BPGM: variants seen among roughly 807,000 people sequenced by gnomAD.
The protein encoded by BPGM is bisphosphoglycerate mutase, also known as 2,3-bisphosphoglycerate mutase, erythrocyte.
BPGM carries 15 observed loss-of-function variants against 21.6 expected under a neutral mutation model. The ratio of observed to expected loss-of-function variants is 0.70; its 90% confidence interval spans 0.47 to 1.07. The LOEUF (loss-of-function observed/expected upper bound fraction) is 1.07. Among genes scored for constraint, BPGM ranks in the 50% least tolerant of loss-of-function variants. BPGM has a pLI of 0.00. For missense variants in BPGM, 273 were observed against 319.0 expected, an observed-to-expected ratio of 0.86 and a Z score of 1.10; for synonymous variants, 113 against 116.2, an observed-to-expected ratio of 0.97 and a Z score of 0.18.
At chr7:134,648,565 A>G (rs1795507005) in intron 1 of BPGM, among the ~76,000 whole-genome samples, 1 of 152,220 alleles carries the variant, frequency 6.6e-6, no homozygotes, top group South Asian at 2.1e-4. Flanking sequence ...AGCATAATTC[A>G]AACAGTGTCA....
chr7:134,651,487 G>A (rs1373997827), intron 1 of BPGM, among the ~76,000 whole-genome samples: 1 of 152,104 alleles, frequency 6.6e-6, no homozygotes, highest in Non-Finnish European at 1.5e-5. Flanking sequence ...GAAATATAAT[G>A]TGAAATTATA....
intron 2 of BPGM, among the ~76,000 whole-genome samples, chr7:134,671,510 C>T (rs1312534120): frequency 6.6e-6 from 1 of 151,952 alleles, no homozygotes; most frequent in Non-Finnish European, 1.5e-5. Flanking sequence ...TACAGGTACC[C>T]GCCACCACGC....
chr7:134,659,873 G>T, intron 1 of BPGM, among the ~76,000 whole-genome samples: 1 of 152,206 alleles, frequency 6.6e-6, no homozygotes, highest in East Asian at 1.9e-4. Flanking sequence ...TGGCATTGCA[G>T]ATCGAGTAGG....
chr7:134,652,085 A>G (rs1795564923), intron 1 of BPGM, among the ~76,000 whole-genome samples: 1 of 152,214 alleles, frequency 6.6e-6, no homozygotes, highest in Non-Finnish European at 1.5e-5. Flanking sequence ...ACTGATTTAA[A>G]TGTCTTCAGT....
At chr7:134,675,212 T>A (rs1585868025) in intron 2 of BPGM, among the ~76,000 whole-genome samples, 1 of 152,178 alleles carries the variant, frequency 6.6e-6, no homozygotes, top group Non-Finnish European at 1.5e-5. Flanking sequence ...GTTGCCTTTT[T>A]ATGTTCTTAA....
chr7:134,674,373 C>T (rs538100407), intron 2 of BPGM, among the ~76,000 whole-genome samples: 1 of 152,292 alleles, frequency 6.6e-6, no homozygotes, highest in African/African-American at 2.4e-5. Context: ...AAAAGAAACC[C>T]AGTGCCCCTT....
chr7:134,673,664 G>A (rs972487470), intron 2 of BPGM, among the ~76,000 whole-genome samples: 2 of 152,208 alleles, frequency 1.3e-5, no homozygotes, highest in South Asian at 2.1e-4. Flanking sequence ...TTTACCAGTC[G>A]TGGGAACACT....
intron 2 of BPGM, among the ~76,000 whole-genome samples, chr7:134,670,703 A>C (rs958440118): frequency 6.6e-6 from 1 of 152,176 alleles, no homozygotes; most frequent in African/African-American, 2.4e-5. Context: ...CTCTTATCAC[A>C]GATTGTCGGT....
At chr7:134,647,649 G>T (rs1795481989) in intron 1 of BPGM, among the ~76,000 whole-genome samples, 1 of 152,188 alleles carries the variant, frequency 6.6e-6, no homozygotes, top group Non-Finnish European at 1.5e-5. Context: ...AATTACGGAA[G>T]ATCTTTAGCT....
At chr7:134,660,239 T>G (rs1211519730) in intron 1 of BPGM, among the ~76,000 whole-genome samples, 2 of 152,222 alleles carry the variant, frequency 1.3e-5, no homozygotes, top group African/African-American at 4.8e-5. Context: ...GTTATTTTAC[T>G]GTGGGTGACT....
intron 2 of BPGM, among the ~76,000 whole-genome samples, chr7:134,678,471 C>G (rs748937287): frequency 1.3e-5 from 2 of 152,182 alleles, no homozygotes; most frequent in African/African-American, 4.8e-5. Flanking sequence ...CTGGGTACAA[C>G]ACATAAAAGG....
intron 1 of BPGM, among the ~76,000 whole-genome samples, chr7:134,657,672 A>C (rs1343411955): frequency 6.6e-6 from 1 of 152,146 alleles, no homozygotes; most frequent in Non-Finnish European, 1.5e-5. Context: ...ACCTGGGAAG[A>C]GGTCGTTTTC....
chr7:134,648,272 AT>A (rs1448706329), intron 1 of BPGM, among the ~76,000 whole-genome samples: 1 of 150,476 alleles, frequency 6.6e-6, no homozygotes, highest in Non-Finnish European at 1.5e-5. Flanking sequence ...AGTAGCTGGG[AT>A]TACAGGCATG....
At chr7:134,665,785 ATTTTATTTTTTAT>A (rs998537176) in intron 2 of BPGM, among the ~76,000 whole-genome samples, 7 of 150,882 alleles carry the variant, frequency 4.6e-5, no homozygotes, top group African/African-American at 7.3e-5. Context: ...TTTTTATTTT[ATTTTATTTTTTAT>A]TTTTATTTTT....
chr7:134,666,971 G>A (rs947821962), intron 2 of BPGM, among the ~76,000 whole-genome samples: 4 of 152,126 alleles, frequency 2.6e-5, no homozygotes, highest in African/African-American at 4.8e-5. Context: ...AAAATTGATT[G>A]TAGATGTATT....
chr7:134,658,243 A>G (rs538144871), intron 1 of BPGM: 2 of 152,162 alleles, frequency 1.3e-5, no homozygotes, highest in East Asian at 3.9e-4. Flanking sequence ...TAGCTTTTTT[A>G]AAAAAGACAT....
chr7:134,663,365 G>GAC (rs1218253146), intron 2 of BPGM, among the ~76,000 whole-genome samples: 1 of 105,352 alleles, frequency 9.5e-6, no homozygotes, highest in Non-Finnish European at 1.9e-5. Flanking sequence ...CATGGCACTT[G>GAC]ATATGTGTGT....
chr7:134,656,420 G>T (rs1369862509), intron 1 of BPGM, among the ~76,000 whole-genome samples: 1 of 152,174 alleles, frequency 6.6e-6, no homozygotes, highest in Non-Finnish European at 1.5e-5. Flanking sequence ...TGTTAGAATT[G>T]TATTAGTTCT....
chr7:134,673,031 G>A (rs1349697558), intron 2 of BPGM, among the ~76,000 whole-genome samples: 6 of 152,132 alleles, frequency 3.9e-5, no homozygotes, highest in African/African-American at 1.2e-4. Flanking sequence ...AAAAGTAGCC[G>A]GGTGTGGTGG....
Sources: allele counts gnomAD v4.1 joint callset (sites outside exome capture counted in the v4.1 genomes callset), GRCh38; gene constraint gnomAD v4.1.1; transcripts MANE v1.5; gene names NCBI Gene and HGNC (gene_info 2026-07-23, HGNC 2026-07-21).